The following DIAPH2 variants were observed in gnomAD, a reference collection of about 807,000 sequenced individuals.
DIAPH2 encodes diaphanous related formin 2, also known as protein diaphanous homolog 2.
Under a neutral mutation model 92.7 loss-of-function variants are expected in DIAPH2, and 35 were observed. That is an observed-to-expected ratio of 0.38 (90% confidence interval 0.29 to 0.50). The LOEUF (loss-of-function observed/expected upper bound fraction) is 0.50, where lower values mean the gene tolerates loss of function less well. Among genes scored for constraint, DIAPH2 ranks in the 20% least tolerant of loss-of-function variants. The pLI, the probability that DIAPH2 is intolerant of heterozygous loss-of-function variation, is 0.94. For synonymous variants in DIAPH2, 301 were observed against 280.4 expected (o/e 1.07, Z -0.73); for missense variants, 701 against 819.5 (o/e 0.86, Z 1.77).
chrX:97,598,642 C>A (rs1372284758), intron 26 of DIAPH2, among the ~76,000 whole-genome samples: 1 of 111,594 alleles, frequency 9.0e-6, no homozygotes, highest in East Asian at 2.8e-4. Flanking sequence ...TTTGTTATCT[C>A]TATAATAATT....
chrX:97,281,617 G>A (rs1389280458), intron 23 of DIAPH2, among the ~76,000 whole-genome samples: 2 of 109,646 alleles, frequency 1.8e-5, no homozygotes, highest in African/African-American at 6.6e-5. Flanking sequence ...GGCAACGGCC[G>A]CCTGTAGTCC....
intron 26 of DIAPH2, among the ~76,000 whole-genome samples, chrX:97,480,077 C>A (rs1377386586): frequency 9.0e-6 from 1 of 111,616 alleles, no homozygotes; most frequent in East Asian, 2.8e-4. Flanking sequence ...AAGTCCTAAT[C>A]CCCAGTATCT....
Position 97,436,559 on chromosome X carries a change from G to A in DIAPH2, c.3241+6814G>A, listed in dbSNP as rs2070189001. Reference sequence around the variant, plus strand: ...AACAATGTTATACAACAGAGAAAAAGAAACCTCCGTATGTATTAGGGAAGA... The same window carrying A: ...AACAATGTTATACAACAGAGAAAAAAAAACCTCCGTATGTATTAGGGAAGA... On this transcript the variant is annotated intron_variant, in intron 26 of 26. Coordinates refer to ENST00000324765, the MANE Select transcript of DIAPH2 (RefSeq NM_006729.5). Among the ~76,000 whole-genome samples, 4 of 111,780 alleles carry A rather than the reference G, an allele frequency of 3.6e-5. No homozygotes were observed. The South Asian group carries it at 1.5e-3, about 42-fold the overall frequency.
At chrX:97,254,492 CAAAA>C (rs1172020847) in intron 23 of DIAPH2, among the ~76,000 whole-genome samples, 2 of 29,060 alleles carry the variant, frequency 6.9e-5, no homozygotes. Flanking sequence ...AACTCTGTCT[CAAAA>C]AAAAAAAAAA....
intron 17 of DIAPH2, among the ~76,000 whole-genome samples, chrX:96,986,073 ATAAT>A (rs939439632): frequency 2.7e-5 from 3 of 111,821 alleles, no homozygotes; most frequent in African/African-American, 9.7e-5. Context: ...TAATTTTATA[ATAAT>A]TTTTGTCAAA....
At chrX:96,864,649 C>T (rs1284686051) in intron 4 of DIAPH2, among the ~76,000 whole-genome samples, 1 of 111,475 alleles carries the variant, frequency 9.0e-6, no homozygotes, top group African/African-American at 3.3e-5. Flanking sequence ...GTGTTAAATC[C>T]CCAAACTAAA....
In DIAPH2 at chrX:97,501,780, G is replaced by T. The variant is rs954777563; in HGVS notation, c.3241+72035G>T. ...TCACCTCTTATGAAATTTTTGAAAAGATATTTTCTAATTTATTTTATTTTA... is the reference window on the plus strand; with the variant it reads ...TCACCTCTTATGAAATTTTTGAAAATATATTTTCTAATTTATTTTATTTTA... On this transcript the variant is annotated intron_variant, in intron 26 of 26. Transcript: ENST00000324765. 3.6e-5 allele frequency among the ~76,000 whole-genome samples: 4 copies of T among 111,456 alleles called. No individual in the cohort carries two copies. In the East Asian group the frequency reaches 1.1e-3, roughly 31 times the overall value.
At chrX:97,570,277 T>A (rs2071361981) in intron 26 of DIAPH2, among the ~76,000 whole-genome samples, 2 of 102,922 alleles carry the variant, frequency 1.9e-5, no homozygotes, top group Admixed American at 1.1e-4. Flanking sequence ...TGTATAAATA[T>A]GTTTTATATA....
At chrX:97,381,275 A>G (rs951432222) in intron 24 of DIAPH2, among the ~76,000 whole-genome samples, 1 of 111,294 alleles carries the variant, frequency 9.0e-6, no homozygotes, top group Admixed American at 9.6e-5. Context: ...TATTTTCAAA[A>G]TGTGGTTTTG....
chrX:96,905,481 G>A (rs1023387533), intron 5 of DIAPH2, among the ~76,000 whole-genome samples: 5 of 110,731 alleles, frequency 4.5e-5, no homozygotes, highest in South Asian at 3.9e-4. Context: ...AATTTTCCTC[G>A]TTTTGCTTTG....
At chrX:97,093,082 G>A (rs2066838073) in intron 19 of DIAPH2, among the ~76,000 whole-genome samples, 1 of 108,988 alleles carries the variant, frequency 9.2e-6, no homozygotes, top group Admixed American at 9.9e-5. Context: ...CAACTGCTCG[G>A]GAGGCTGAGT....
At chrX:97,275,426 C>G (rs1368897674) in intron 23 of DIAPH2, among the ~76,000 whole-genome samples, 10 of 106,746 alleles carry the variant, frequency 9.4e-5, no homozygotes, top group Admixed American at 2.0e-4. Context: ...GGCTGCCCCC[C>G]CTTCACCTCC....
chrX:97,173,428 A>C (rs185040132), intron 22 of DIAPH2, among the ~76,000 whole-genome samples: 2 of 112,001 alleles, frequency 1.8e-5, no homozygotes, highest in East Asian at 5.6e-4. Flanking sequence ...ATTTATGATT[A>C]TGTTTAATTT....
intron 14 of DIAPH2, among the ~76,000 whole-genome samples, chrX:96,945,796 A>C (rs1300159450): frequency 9.0e-6 from 1 of 111,730 alleles, no homozygotes; most frequent in Non-Finnish European, 1.9e-5. Context: ...TGTTTAATCC[A>C]TTATGGAAGA....
chrX:96,822,563 A>G (rs944202099), intron 4 of DIAPH2, among the ~76,000 whole-genome samples: 2 of 111,981 alleles, frequency 1.8e-5, no homozygotes, highest in African/African-American at 6.5e-5. Flanking sequence ...AAGTGGGGGG[A>G]AAAGATAAAT....
intron 17 of DIAPH2, among the ~76,000 whole-genome samples, chrX:96,987,094 A>G (rs1315335305): frequency 1.8e-5 from 2 of 111,361 alleles, no homozygotes; most frequent in Non-Finnish European, 3.8e-5. Context: ...TATTTCTTTC[A>G]GAAATACACA....
At chrX:97,391,892 G>A in intron 25 of DIAPH2, among the ~76,000 whole-genome samples, 1 of 111,125 alleles carries the variant, frequency 9.0e-6, no homozygotes, top group East Asian at 2.8e-4. Context: ...TGAAAACCAA[G>A]CAGCCAGAGA....
chrX:96,952,457 T>A (rs5920615), intron 15 of DIAPH2, among the ~76,000 whole-genome samples: 36,132 of 110,956 alleles, frequency 0.33, 5,242 homozygotes, highest in South Asian at 0.53. Flanking sequence ...TATTTATGGC[T>A]GTGCACAGTG....
intron 22 of DIAPH2, among the ~76,000 whole-genome samples, chrX:97,185,329 A>ATATATATATATGTGTATATATATG: frequency 0.013 from 118 of 9,402 alleles, 24 homozygotes; most frequent in African/African-American, 0.034. Flanking sequence ...ATATATGTGT[A>ATATATATATATGTGTATATATATG]TATATATATA....
Sources: gnomAD v4.1 joint callset for allele counts (sites outside exome capture counted in the v4.1 genomes callset) on GRCh38, gnomAD v4.1.1 for gene constraint, MANE v1.5 for transcripts, NCBI Gene and HGNC (gene_info 2026-07-23, HGNC 2026-07-21) for gene names.